PHACTR1: variants seen among roughly 807,000 people sequenced by gnomAD.
PHACTR1 encodes the protein phosphatase and actin regulator 1.
In PHACTR1, 16 loss-of-function variants were observed where a neutral mutation model predicts 69.2. The ratio of observed to expected loss-of-function variants is 0.23; its 90% CI spans 0.16 to 0.35. The LOEUF is 0.35. Among genes scored for constraint, PHACTR1 ranks in the 10% least tolerant of loss-of-function variants. The pLI is 1.00. For synonymous variants in PHACTR1, 312 were observed against 284.5 expected, an observed-to-expected ratio of 1.10 and a Z score of -0.97; for missense variants, 510 against 734.7, an observed-to-expected ratio of 0.69 and a Z score of 3.54.
At chr6:12,977,380 T>TCA (rs67391969) in intron 4 of PHACTR1, among the ~76,000 whole-genome samples, 33 of 149,360 alleles carry the variant, frequency 2.2e-4, no homozygotes, top group Admixed American at 4.0e-4. Flanking sequence ...TCTCTCTCTT[T>TCA]CACACACACA....
intron 4 of PHACTR1, among the ~76,000 whole-genome samples, chr6:13,037,200 T>A (rs1448447785): frequency 6.6e-6 from 1 of 152,136 alleles, no homozygotes; most frequent in East Asian, 1.9e-4. Flanking sequence ...AGGCCTCACA[T>A]CCTGACACCA....
At chr6:13,230,272 C>T (rs1356784806) in intron 10 of PHACTR1, 79 bp downstream of exon 10, 7 of 1,549,136 alleles carry the variant, frequency 4.5e-6, no homozygotes, top group Non-Finnish European at 5.2e-6. Context: ...TCAGTCTCGG[C>T]CGGGCGCAGT....
intron 4 of PHACTR1, among the ~76,000 whole-genome samples, chr6:12,838,194 C>G (rs9381435): frequency 1.3e-5 from 2 of 151,970 alleles, no homozygotes; most frequent in Non-Finnish European, 1.5e-5. Context: ...TATAACATAC[C>G]GAGTAAAAAC....
chr6:13,114,013 G>A (rs992974073), intron 5 of PHACTR1, among the ~76,000 whole-genome samples: 1 of 152,140 alleles, frequency 6.6e-6, no homozygotes, highest in Non-Finnish European at 1.5e-5. Flanking sequence ...ATAAAGGTCT[G>A]CAAAAATATT....
chr6:12,964,934 T>TC (rs1236824940), intron 4 of PHACTR1, among the ~76,000 whole-genome samples: 1 of 152,124 alleles, frequency 6.6e-6, no homozygotes, highest in African/African-American at 2.4e-5. Flanking sequence ...GGAACCACAG[T>TC]GCAGGTTCCT....
At chr6:13,237,596 G>A (rs142991082) in intron 10 of PHACTR1, among the ~76,000 whole-genome samples, 34 of 152,320 alleles carry the variant, frequency 2.2e-4, no homozygotes, top group African/African-American at 7.2e-4. Context: ...ATGTGAGCAC[G>A]TGTATGTGTA....
At chr6:13,165,838 C>T (rs551216893) in intron 6 of PHACTR1, among the ~76,000 whole-genome samples, 27 of 152,056 alleles carry the variant, frequency 1.8e-4, no homozygotes, top group African/African-American at 6.3e-4. Context: ...CAGATTGCCC[C>T]GGGATGTTTC....
chr6:12,778,073 T>C (rs1770322363), intron 4 of PHACTR1, among the ~76,000 whole-genome samples: 1 of 152,196 alleles, frequency 6.6e-6, no homozygotes, highest in Admixed American at 6.5e-5. Context: ...AGTCTCAAGG[T>C]TGAGTCAGGT....
At chr6:12,992,363 G>A (rs924657379) in intron 4 of PHACTR1, among the ~76,000 whole-genome samples, 3 of 152,204 alleles carry the variant, frequency 2.0e-5, no homozygotes, top group Non-Finnish European at 4.4e-5. Context: ...TAGCCTCTGA[G>A]TGCTATTCTT....
chr6:12,865,328 A>C (rs1205737733), intron 4 of PHACTR1, among the ~76,000 whole-genome samples: 4 of 152,228 alleles, frequency 2.6e-5, no homozygotes, highest in Non-Finnish European at 5.9e-5. Flanking sequence ...TGATGGTATC[A>C]TGGGAGCAGA....
At chr6:12,872,958 C>G (rs190987857) in intron 4 of PHACTR1, among the ~76,000 whole-genome samples, 8 of 151,882 alleles carry the variant, frequency 5.3e-5, no homozygotes, top group Admixed American at 5.2e-4. Flanking sequence ...CGTTCTCCTT[C>G]CTTCCTTCCT....
intron 4 of PHACTR1, among the ~76,000 whole-genome samples, chr6:12,756,933 G>T (rs1012430537): frequency 6.6e-6 from 1 of 152,034 alleles, no homozygotes; most frequent in South Asian, 2.1e-4. Flanking sequence ...TTTTTAGACC[G>T]TTTTTTAGGC....
Position 13,252,501 on chromosome 6 carries a change from A to G in PHACTR1, c.1392-20359A>G, listed in dbSNP as rs117720856. Among the ~76,000 whole-genome samples, 68 of 152,190 alleles carry G rather than the reference A, an allele frequency of 4.5e-4. 1 individual carries two copies. The East Asian group carries it at 0.013, about 29-fold the overall frequency. On this transcript the variant is annotated intron_variant, in intron 10 of 14. Transcript: ENST00000332995. ...ATAAATAACTCATTCCATTATTTCCATTATTAAAATTCCATCTATCCTGAT... is the reference window on the plus strand; with the variant it reads ...ATAAATAACTCATTCCATTATTTCCGTTATTAAAATTCCATCTATCCTGAT...
chr6:13,243,566 A>G (rs1016520097), intron 10 of PHACTR1, among the ~76,000 whole-genome samples: 2 of 150,776 alleles, frequency 1.3e-5, no homozygotes, highest in African/African-American at 4.9e-5. Context: ...CTTGTTGGAA[A>G]CTCTTTAATG....
At chr6:12,742,678 C>T (rs759416845) in intron 3 of PHACTR1, among the ~76,000 whole-genome samples, 5 of 152,016 alleles carry the variant, frequency 3.3e-5, no homozygotes, top group African/African-American at 9.7e-5. Flanking sequence ...ACAAGAGAAC[C>T]CTTAATCCTA....
chr6:13,212,819 C>T lies in PHACTR1; in HGVS notation c.986+6683C>T, dbSNP rs145027119. Among the ~76,000 whole-genome samples, 271 of 152,296 alleles carry T rather than the reference C, an allele frequency of 1.8e-3. 1 individual carries two copies. The highest frequency in any genetic ancestry group is 6.1e-3 in the African/African-American group (254 of 41,562). ...CCCTCAAATATCCTCAGGGCTCCTA[C>T]ACTCACCTGCCTCGGGTCTCTACTC... is the stretch of plus-strand genomic sequence containing the variant. On this transcript the variant is annotated intron_variant, in intron 8 of 14. Coordinates refer to ENST00000332995, the MANE Select transcript of PHACTR1 (RefSeq NM_030948.6).
intron 4 of PHACTR1, among the ~76,000 whole-genome samples, chr6:12,826,434 A>G (rs894993190): frequency 2.0e-5 from 3 of 152,188 alleles, no homozygotes; most frequent in Admixed American, 6.5e-5. Flanking sequence ...AACAATTCCC[A>G]ATGTTTTCCC....
intron 4 of PHACTR1, among the ~76,000 whole-genome samples, chr6:13,010,738 G>A (rs1799355745): frequency 6.6e-6 from 1 of 152,026 alleles, no homozygotes; most frequent in African/African-American, 2.4e-5. Flanking sequence ...CTAAATAAGG[G>A]ATGGGAAGGA....
chr6:12,870,218 A>G (rs1474921994), intron 4 of PHACTR1, among the ~76,000 whole-genome samples: 1 of 152,240 alleles, frequency 6.6e-6, no homozygotes, highest in African/African-American at 2.4e-5. Flanking sequence ...ATGTCAGAGA[A>G]TGCAGCAGTA....
Sources: gnomAD v4.1 joint callset for allele counts (sites outside exome capture counted in the v4.1 genomes callset) on GRCh38, gnomAD v4.1.1 for gene constraint, MANE v1.5 for transcripts, NCBI Gene and HGNC (gene_info 2026-07-23, HGNC 2026-07-21) for gene names.